Variants in GSDMC observed in about 807,000 individuals in gnomAD.
GSDMC encodes gasdermin-C.
GSDMC carries 59 observed loss-of-function variants against 58.0 expected under a neutral mutation model. The ratio of observed to expected loss-of-function variants is 1.02; its 90% CI spans 0.82 to 1.26. The LOEUF (loss-of-function observed/expected upper bound fraction) is 1.26. GSDMC is among the 50% of genes most tolerant of loss of function. The pLI, the probability that GSDMC is intolerant of heterozygous loss-of-function variation, is 0.00. For missense variants in GSDMC, 659 were observed against 598.5 expected (o/e 1.10, Z -1.06); for synonymous variants, 241 against 220.2 (o/e 1.09, Z -0.83).
At chr8:129,778,720 G>C in intron 1 of GSDMC, among the ~76,000 whole-genome samples, 1 of 151,100 alleles carries the variant, frequency 6.6e-6, no homozygotes, top group Non-Finnish European at 1.5e-5. Context: ...ATCTGACAAA[G>C]GTCTAATATC....
At chr8:129,709,702 C>A in the GSDMC span, among the ~76,000 whole-genome samples, 1 of 152,180 alleles carries the variant, frequency 6.6e-6, no homozygotes, top group Non-Finnish European at 1.5e-5. Context: ...TCTGCATTAT[C>A]TGACCCCTTC....
chr8:129,716,153 C>T, the GSDMC span, among the ~76,000 whole-genome samples: 1 of 152,026 alleles, frequency 6.6e-6, no homozygotes, highest in Admixed American at 6.6e-5. Flanking sequence ...CTTAAACATG[C>T]CATATCAAGA....
intron 1 of GSDMC, among the ~76,000 whole-genome samples, chr8:129,783,542 A>G (rs147825658): frequency 0.014 from 2,199 of 152,192 alleles, 61 homozygotes; most frequent in African/African-American, 0.049. Flanking sequence ...CTGAAGAAGT[A>G]AAAAATCTCT....
At chr8:129,767,901 C>T (rs1364647933) in intron 3 of GSDMC, among the ~76,000 whole-genome samples, 2 of 152,148 alleles carry the variant, frequency 1.3e-5, no homozygotes, top group East Asian at 1.9e-4. Flanking sequence ...CCCTGAACAA[C>T]AGTACCACAA....
At chr8:129,733,045 G>T in the GSDMC span, among the ~76,000 whole-genome samples, 2 of 152,252 alleles carry the variant, frequency 1.3e-5, no homozygotes, top group Admixed American at 6.5e-5. Flanking sequence ...CACCCACGGA[G>T]CCTTGCTCAC....
chr8:129,784,986 G>A (rs1017903166), intron 1 of GSDMC, among the ~76,000 whole-genome samples: 1 of 152,220 alleles, frequency 6.6e-6, no homozygotes, highest in Non-Finnish European at 1.5e-5. Flanking sequence ...GCTGAGGCGG[G>A]TGGATCAACT....
intron 3 of GSDMC, among the ~76,000 whole-genome samples, chr8:129,770,705 T>G (rs1165939949): frequency 6.6e-6 from 1 of 151,746 alleles, no homozygotes; most frequent in East Asian, 1.9e-4. Flanking sequence ...CAAAGGAAGA[T>G]GGCAGGTGAG....
intron 2 of GSDMC, 83 bp downstream of exon 2, chr8:129,777,283 TCA>T (rs2034264709): frequency 6.2e-6 from 5 of 800,458 alleles, no homozygotes; most frequent in Non-Finnish European, 1.0e-5. Context: ...TTCTGTGTGC[TCA>T]GTTATCTTTG....
chr8:129,714,442 G>C, the GSDMC span, among the ~76,000 whole-genome samples: 4 of 152,302 alleles, frequency 2.6e-5, no homozygotes, highest in African/African-American at 9.6e-5. Flanking sequence ...AAGGGAACTT[G>C]TTACAAAGAG....
At chr8:129,731,934 C>T in the GSDMC span, among the ~76,000 whole-genome samples, 1 of 152,174 alleles carries the variant, frequency 6.6e-6, no homozygotes, top group African/African-American at 2.4e-5. Flanking sequence ...AAGAGAAGCC[C>T]CTTTATTCTG....
chr8:129,727,003 C>CAT, the GSDMC span, among the ~76,000 whole-genome samples: 8 of 123,450 alleles, frequency 6.5e-5, no homozygotes, highest in African/African-American at 4.3e-5. Context: ...TACACATACA[C>CAT]ACACACACAC....
the GSDMC span, chr8:129,729,204 G>C: frequency 1.5e-6 from 1 of 651,972 alleles, no homozygotes. Context: ...GCATTTAAAA[G>C]ATGGCATTTT....
At chr8:129,707,790 C>A in the GSDMC span, among the ~76,000 whole-genome samples, 1 of 152,198 alleles carries the variant, frequency 6.6e-6, no homozygotes, top group South Asian at 2.1e-4. Flanking sequence ...TTTTCATCAA[C>A]CATCATTCTT....
At chr8:129,738,953 C>T in the GSDMC span, among the ~76,000 whole-genome samples, 2 of 152,122 alleles carry the variant, frequency 1.3e-5, no homozygotes, top group Non-Finnish European at 2.9e-5. Flanking sequence ...TATCAATAGA[C>T]TGGACCAAGA....
the GSDMC span, among the ~76,000 whole-genome samples, chr8:129,720,182 A>G: frequency 6.6e-6 from 1 of 152,204 alleles, no homozygotes; most frequent in Non-Finnish European, 1.5e-5. Context: ...CCAAACATCA[A>G]AGTCAATACT....
At chr8:129,747,687 A>C (rs1457252150), downstream of GSDMC, among the ~76,000 whole-genome samples, 2 of 152,190 alleles carry the variant, frequency 1.3e-5, no homozygotes, top group African/African-American at 4.8e-5. Flanking sequence ...CCAGGATTCA[A>C]GGAAAATTTG....
the GSDMC span, among the ~76,000 whole-genome samples, chr8:129,736,822 T>C: frequency 6.6e-6 from 1 of 152,168 alleles, no homozygotes; most frequent in South Asian, 2.1e-4. Flanking sequence ...ATGAAGGGTA[T>C]TCAATTAAGA....
At chr8:129,775,242 G>A (rs80017939) in intron 3 of GSDMC, among the ~76,000 whole-genome samples, 22,903 of 152,130 alleles carry the variant, frequency 0.15, 2,090 homozygotes, top group Non-Finnish European at 0.2. Flanking sequence ...CATAAAAAAG[G>A]AAGAAACCCT....
the GSDMC span, among the ~76,000 whole-genome samples, chr8:129,732,492 G>A: frequency 1.3e-5 from 2 of 152,180 alleles, no homozygotes; most frequent in Non-Finnish European, 2.9e-5. Flanking sequence ...AAGGTCTCCA[G>A]ATGAGAAGGA....
Sources: allele counts gnomAD v4.1 joint callset (sites outside exome capture counted in the v4.1 genomes callset), GRCh38; gene constraint gnomAD v4.1.1; transcripts MANE v1.5; gene names NCBI Gene and HGNC (gene_info 2026-07-23, HGNC 2026-07-21).